Variants in ANK2 observed in about 807,000 individuals in gnomAD.
ANK2 encodes ankyrin 2, also known as ankyrin-2.
ANK2 carries 83 observed loss-of-function variants against 360.5 expected under a neutral mutation model. The observed-to-expected ratio is 0.23, with a 90% CI of 0.19 to 0.28. The LOEUF is 0.28. ANK2 is among the 10% of genes least tolerant of loss of function. The probability of loss-of-function intolerance (pLI) is 1.00; values close to 1 mark genes in which losing one functional copy is unlikely to be tolerated. For missense variants in ANK2, 4,201 were observed against 4,795.7 expected (o/e 0.88, Z 3.66); for synonymous variants, 1,740 against 1,759.5 (o/e 0.99, Z 0.28).
At chr4:112,808,975 CAGCCTCCGGAGT>C in the ANK2 span, among the ~76,000 whole-genome samples, 10 of 152,144 alleles carry the variant, frequency 6.6e-5, no homozygotes, top group African/African-American at 1.9e-4. Context: ...TCTCCTGCAT[CAGCCTCCGGAGT>C]AGCTGGGATT....
At position 113,196,379 on chromosome 4, in the gene ANK2, C is replaced by A. The variant is rs146964054; in HGVS notation, c.198C>A (p.Asn66Lys). The A allele has an allele frequency of 1.9e-6, 3 of 1,613,430 alleles. No individual in the cohort carries two copies. Among genetic ancestry groups the A allele is most frequent in the Non-Finnish European group, 2.5e-6 (3 of 1,179,792 alleles). The change falls in exon 3 of 46, where the codon AAC becomes AAA. Residue 66 changes from asparagine to lysine, a missense_variant. Asn to Lys is a moderately conservative substitution (Grantham distance 94). This residue lies in a region of ANK2 where 169 missense variants were observed against 191.1 expected (regional missense o/e 0.88). Transcript: ENST00000357077. The part of the protein sequence containing the change: ...DINTCNQNGL[N>K]ALHLAAKEGH... ...GTTTCTTCTCTCAGAATGGACTCAACGCTCTCCATCTGGCTGCCAAGGAAG... is the reference window on the plus strand; with the variant it reads ...GTTTCTTCTCTCAGAATGGACTCAAAGCTCTCCATCTGGCTGCCAAGGAAG...
intron 1 of ANK2, among the ~76,000 whole-genome samples, chr4:113,165,352 G>A (rs2097714737): frequency 6.6e-6 from 1 of 152,166 alleles, no homozygotes; most frequent in African/African-American, 2.4e-5. Flanking sequence ...ATGTGGAGCT[G>A]TAAGATTTGA....
chr4:112,803,251 A>G, the ANK2 span, among the ~76,000 whole-genome samples: 1 of 152,130 alleles, frequency 6.6e-6, no homozygotes, highest in African/African-American at 2.4e-5. Flanking sequence ...GAACCCTTAA[A>G]TGTTACCTTA....
At chr4:112,833,239 G>A (rs1212199952) in intron 1 of ANK2, among the ~76,000 whole-genome samples, 1 of 152,172 alleles carries the variant, frequency 6.6e-6, no homozygotes, top group African/African-American at 2.4e-5. Context: ...GTGGGTAAGG[G>A]GAGGAAATAA....
intron 14 of ANK2, among the ~76,000 whole-genome samples, chr4:113,270,188 C>T (rs1035953324): frequency 6.6e-6 from 1 of 152,004 alleles, no homozygotes; most frequent in African/African-American, 2.4e-5. Flanking sequence ...TTTTGTAATT[C>T]GTATTTAATA....
intron 18 of ANK2, among the ~76,000 whole-genome samples, chr4:113,287,173 C>T (rs1488769405): frequency 6.6e-6 from 1 of 152,110 alleles, no homozygotes. Flanking sequence ...CCATTTTTTA[C>T]ACTGATGTGA....
In ANK2 at chr4:113,354,024, C is replaced by T. The variant is rs2095578584; in HGVS notation, c.5406C>T (p.Thr1802=). Residue 1802 remains threonine, a synonymous_variant, in exon 38 of 46, where the codon ACC becomes ACT. Coordinates refer to ENST00000357077, the MANE Select transcript of ANK2 (RefSeq NM_001148.6). ...KGKEDVPKKT[T]HRPHPAASPS... Reference sequence around the variant, plus strand: ...AGGAGGACGTGCCAAAAAAGACCACCCACAGGCCACATCCAGCTGCGTCAC... The same window carrying T: ...AGGAGGACGTGCCAAAAAAGACCACTCACAGGCCACATCCAGCTGCGTCAC... 1 of 1,613,918 alleles carries T rather than the reference C, an allele frequency of 6.2e-7. No individual in the cohort carries two copies. Among genetic ancestry groups the T allele is most frequent in the Admixed American group, 1.7e-5 (1 of 59,996 alleles).
At chr4:112,843,822 G>C (rs924648876) in intron 1 of ANK2, among the ~76,000 whole-genome samples, 1 of 152,008 alleles carries the variant, frequency 6.6e-6, no homozygotes, top group African/African-American at 2.4e-5. Flanking sequence ...AATACAAAAG[G>C]CATATTGGAG....
exon 2 of ANK2, chr4:112,904,469 G>A: frequency 1.3e-6 from 2 of 1,488,054 alleles, no homozygotes; most frequent in South Asian, 2.6e-5. Context: ...GTAATGAAAA[G>A]AGACATGAAG....
intron 4 of ANK2, among the ~76,000 whole-genome samples, chr4:113,201,605 T>C (rs535908378): frequency 6.6e-6 from 1 of 152,212 alleles, no homozygotes; most frequent in Non-Finnish European, 1.5e-5. Flanking sequence ...CACCTATACA[T>C]TGGTGCTGTT....
intron 2 of ANK2, among the ~76,000 whole-genome samples, chr4:112,943,567 A>G (rs1221387754): frequency 6.6e-6 from 1 of 151,906 alleles, no homozygotes; most frequent in Non-Finnish European, 1.5e-5. Flanking sequence ...CCTAAACTCA[A>G]TTTCTGTATG....
intron 24 of ANK2, chr4:113,317,428 C>G (rs1563706385): frequency 4.5e-6 from 2 of 449,262 alleles, no homozygotes; most frequent in Non-Finnish European, 8.3e-6. Context: ...TTGCTGGTTT[C>G]AAACATTTCT....
rs1466354397 is a variant in ANK2, at chr4:113,355,660, G to A, written c.7042G>A (p.Ala2348Thr). The A allele has an allele frequency of 6.2e-7, 1 of 1,614,110 alleles. No homozygotes were observed. The highest frequency in any genetic ancestry group is 8.5e-7 in the Non-Finnish European group (1 of 1,179,982). ...ACCTACAGGACTGACTGAGGAGGCAGCCTGTGATGAAGGTCAACGTACCTT... is the reference window on the plus strand; with the variant it reads ...ACCTACAGGACTGACTGAGGAGGCAACCTGTGATGAAGGTCAACGTACCTT... The part of the protein sequence containing the change: ...ETPTGLTEEA[A>T]CDEGQRTFGS... Residue 2348 changes from alanine to threonine, a missense_variant, in exon 38 of 46, where the codon GCC becomes ACC. Ala to Thr is a moderately conservative substitution (Grantham distance 58). Coordinates refer to ENST00000357077, the MANE Select transcript of ANK2 (RefSeq NM_001148.6).
the ANK2 span, among the ~76,000 whole-genome samples, chr4:112,765,991 C>A: frequency 6.6e-6 from 1 of 152,136 alleles, no homozygotes; most frequent in Non-Finnish European, 1.5e-5. Flanking sequence ...AACTTACTCT[C>A]AGCATGACTG....
intron 5 of ANK2, among the ~76,000 whole-genome samples, chr4:113,235,565 A>T (rs1401126012): frequency 6.6e-6 from 1 of 152,216 alleles, no homozygotes; most frequent in East Asian, 1.9e-4. Context: ...AGTAGCTGGG[A>T]TTACAGGTGC....
chr4:112,942,522 C>A (rs2094301111), intron 2 of ANK2, among the ~76,000 whole-genome samples: 1 of 151,930 alleles, frequency 6.6e-6, no homozygotes, highest in Non-Finnish European at 1.5e-5. Context: ...AGGATTTGAA[C>A]CCAGGTAGTC....
intron 9 of ANK2, among the ~76,000 whole-genome samples, chr4:113,243,168 G>A (rs2040924500): frequency 1.3e-5 from 2 of 152,120 alleles, no homozygotes; most frequent in South Asian, 2.1e-4. Context: ...AACTTCAAAT[G>A]TGCCTATAAT....
chr4:112,811,512 AAT>A, the ANK2 span, among the ~76,000 whole-genome samples: 1 of 152,130 alleles, frequency 6.6e-6, no homozygotes, highest in East Asian at 1.9e-4. Flanking sequence ...ATTAATGGTA[AAT>A]GGGGAAATTA....
Position 113,357,715 on chromosome 4 carries a change from G to A in ANK2, c.9097G>A (p.Val3033Ile). ...TTVVGEQISK[V>I]IITKTDVDSD... ...AGTTGTTGGTGAACAAATAAGCAAAGTCATCATCACAAAAACTGATGTGGA... is the reference window on the plus strand; with the variant it reads ...AGTTGTTGGTGAACAAATAAGCAAAATCATCATCACAAAAACTGATGTGGA... The change falls in exon 38 of 46, where the codon GTC becomes ATC. Residue 3033 changes from valine (V) to isoleucine (I), a missense_variant. Around this residue, in one of 4 missense-constraint regions of ANK2, gnomAD observed 2,642 missense variants for 2,714.5 expected, o/e 0.97. Transcript: ENST00000357077. 5 of 1,614,102 alleles carry A rather than the reference G, an allele frequency of 3.1e-6. No homozygotes were observed. The highest frequency in any genetic ancestry group is 4.2e-6 in the Non-Finnish European group (5 of 1,179,974).
Sources: gnomAD v4.1 joint callset for allele counts (sites outside exome capture counted in the v4.1 genomes callset) on GRCh38, gnomAD v4.1.1 for gene constraint, gnomAD v4.1.1 regional missense constraint, MANE v1.5 for transcripts, NCBI Gene and HGNC (gene_info 2026-07-23, HGNC 2026-07-21) for gene names.